DENND1B: variants seen among roughly 807,000 people sequenced by gnomAD.
DENND1B encodes DENN domain containing 1B.
In DENND1B, 59 loss-of-function variants were observed where a neutral mutation model predicts 90.1. The observed-to-expected ratio is 0.65, with a 90% confidence interval of 0.53 to 0.81. The LOEUF (loss-of-function observed/expected upper bound fraction) is 0.81, where lower values mean the gene tolerates loss of function less well. DENND1B is among the 40% of genes least tolerant of loss of function. DENND1B has a pLI of 0.00. For synonymous variants in DENND1B, 337 were observed against 324.6 expected (o/e 1.04, Z -0.41); for missense variants, 862 against 912.6 (o/e 0.94, Z 0.71).
At chr1:197,733,627 C>G (rs1351391289) in intron 2 of DENND1B, among the ~76,000 whole-genome samples, 1 of 152,188 alleles carries the variant, frequency 6.6e-6, no homozygotes, top group Admixed American at 6.5e-5. Flanking sequence ...ACTCAACATG[C>G]ACAATAATGA....
intron 15 of DENND1B, among the ~76,000 whole-genome samples, chr1:197,578,772 TCTTTC>T: frequency 6.6e-6 from 1 of 152,270 alleles, no homozygotes; most frequent in South Asian, 2.1e-4. Context: ...GAGAACACTG[TCTTTC>T]CTTATACCTA....
In DENND1B at chr1:197,640,837, C is replaced by A. The variant is rs114769549; in HGVS notation, c.672+1874G>T. Among the ~76,000 whole-genome samples the A allele has an allele frequency of 7.5e-3, 1,141 of 152,198 alleles. 22 individuals carry two copies. The highest frequency in any genetic ancestry group is 0.026 in the African/African-American group (1,073 of 41,532). On this transcript the variant is annotated intron_variant, in intron 10 of 22. Coordinates refer to ENST00000620048, the MANE Select transcript of DENND1B (RefSeq NM_001195215.2). ...TACTACCTCACTGAGTTGGGCACAG[C>A]GGCGTGTGCCTATAGTCCCAGCTAC...
At chr1:197,564,395 CAAAAAAAAAAAAAA>C (rs71131780) in intron 15 of DENND1B, among the ~76,000 whole-genome samples, 2 of 63,170 alleles carry the variant, frequency 3.2e-5, no homozygotes, top group East Asian at 6.1e-4. Flanking sequence ...CCTCCACCAG[CAAAAAAAAAAAAAA>C]AAAAAAAAAA....
chr1:197,537,594 A>T (rs1365497076), intron 20 of DENND1B, among the ~76,000 whole-genome samples: 1 of 152,062 alleles, frequency 6.6e-6, no homozygotes, highest in Admixed American at 6.5e-5. Flanking sequence ...AAGATAATAG[A>T]TGTGTTAATT....
chr1:197,606,354 G>A (rs1356569805), intron 13 of DENND1B: 3 of 150,976 alleles, frequency 2.0e-5, no homozygotes, highest in Non-Finnish European at 4.5e-5. Flanking sequence ...GACAGTTTTC[G>A]TCATTTCAAA....
At chr1:197,699,338 A>G (rs1237457579) in intron 3 of DENND1B, among the ~76,000 whole-genome samples, 1 of 152,210 alleles carries the variant, frequency 6.6e-6, no homozygotes, top group Non-Finnish European at 1.5e-5. Context: ...GATGCAGAAA[A>G]GGCCTTTGAT....
intron 10 of DENND1B, among the ~76,000 whole-genome samples, chr1:197,640,772 C>T (rs1018164537): frequency 2.0e-5 from 3 of 152,186 alleles, no homozygotes; most frequent in Non-Finnish European, 4.4e-5. Flanking sequence ...GCTTCACTCA[C>T]ATAGCTTATT....
chr1:197,543,061 A>C (rs1369271252), intron 18 of DENND1B, among the ~76,000 whole-genome samples: 1 of 151,938 alleles, frequency 6.6e-6, no homozygotes, highest in Non-Finnish European at 1.5e-5. Flanking sequence ...CAGCCTCCCA[A>C]GTAGCTGGGA....
chr1:197,732,735 G>C (rs182483032), intron 2 of DENND1B, among the ~76,000 whole-genome samples: 88 of 152,262 alleles, frequency 5.8e-4, no homozygotes, highest in African/African-American at 2.0e-3. Flanking sequence ...GAAGCAATTA[G>C]TCCAGGTTGG....
At chr1:197,560,038 G>T (rs1343762555) in intron 15 of DENND1B, among the ~76,000 whole-genome samples, 1 of 151,844 alleles carries the variant, frequency 6.6e-6, no homozygotes, top group African/African-American at 2.4e-5. Flanking sequence ...ATGGTATCAT[G>T]AACAGGAAAA....
chr1:197,687,137 T>C (rs1288385989), intron 3 of DENND1B, among the ~76,000 whole-genome samples: 3 of 152,242 alleles, frequency 2.0e-5, no homozygotes, highest in East Asian at 3.9e-4. Flanking sequence ...GAACACAGAG[T>C]TCAGAATGCA....
intron 13 of DENND1B, chr1:197,606,286 G>A (rs924483997): frequency 6.6e-6 from 1 of 150,562 alleles, no homozygotes; most frequent in African/African-American, 2.4e-5. Flanking sequence ...ACAACCCTCC[G>A]CAAGATCAAA....
At chr1:197,741,535 T>G (rs1394103227) in intron 2 of DENND1B, among the ~76,000 whole-genome samples, 1 of 152,184 alleles carries the variant, frequency 6.6e-6, no homozygotes, top group Admixed American at 6.5e-5. Flanking sequence ...CGTTTGAACC[T>G]AATTATCAAA....
intron 11 of DENND1B, among the ~76,000 whole-genome samples, chr1:197,612,278 G>T (rs1358547699): frequency 6.6e-6 from 1 of 150,448 alleles, no homozygotes; most frequent in East Asian, 1.9e-4. Context: ...AGAATATCCA[G>T]GTCTAGGCCA....
intron 5 of DENND1B, among the ~76,000 whole-genome samples, chr1:197,660,305 G>A (rs1297028393): frequency 6.6e-6 from 1 of 151,818 alleles, no homozygotes; most frequent in Non-Finnish European, 1.5e-5. Context: ...TGCATGTTCT[G>A]CACATGTATC....
intron 13 of DENND1B, chr1:197,605,599 T>C (rs1419257827): frequency 6.6e-6 from 1 of 151,188 alleles, no homozygotes; most frequent in African/African-American, 2.4e-5. Flanking sequence ...TAATTATTTC[T>C]CTATCCATTG....
chr1:197,693,171 C>T (rs538101665), intron 3 of DENND1B, among the ~76,000 whole-genome samples: 30 of 151,710 alleles, frequency 2.0e-4, no homozygotes, highest in African/African-American at 6.0e-4. Flanking sequence ...CACTAGATTG[C>T]ATTGTTGTCT....
intron 2 of DENND1B, among the ~76,000 whole-genome samples, chr1:197,767,880 T>G (rs1431471018): frequency 6.6e-6 from 1 of 152,122 alleles, no homozygotes; most frequent in Non-Finnish European, 1.5e-5. Context: ...CCTCGCATGA[T>G]AAAACCACCT....
intron 15 of DENND1B, among the ~76,000 whole-genome samples, chr1:197,563,312 A>C (rs1173650700): frequency 6.6e-6 from 1 of 152,050 alleles, no homozygotes; most frequent in Non-Finnish European, 1.5e-5. Flanking sequence ...TTCAAAGGAC[A>C]GGCCAACTCT....
Sources: gnomAD v4.1 joint callset for allele counts (sites outside exome capture counted in the v4.1 genomes callset) on GRCh38, gnomAD v4.1.1 for gene constraint, MANE v1.5 for transcripts, NCBI Gene and HGNC (gene_info 2026-07-23, HGNC 2026-07-21) for gene names.